Variants in ADAMTS20 observed in about 807,000 individuals in gnomAD.
ADAMTS20 encodes the protein A disintegrin and metalloproteinase with thrombospondin motifs 20.
A neutral mutation model predicts 260.1 loss-of-function variants in ADAMTS20; 225 were observed. That is an observed-to-expected ratio of 0.87 (90% CI 0.78 to 0.97). The LOEUF (loss-of-function observed/expected upper bound fraction) is 0.97, where lower values mean the gene tolerates loss of function less well. ADAMTS20 is among the 50% of genes least tolerant of loss of function. The probability of loss-of-function intolerance (pLI) is 0.00; values close to 1 mark genes in which losing one functional copy is unlikely to be tolerated. For missense variants in ADAMTS20, 2,400 were observed against 2,337.7 expected, an observed-to-expected ratio of 1.03 and a Z score of -0.55; for synonymous variants, 802 against 769.5, an observed-to-expected ratio of 1.04 and a Z score of -0.70.
chr12:43,471,949 G>A (rs1230100491), intron 7 of ADAMTS20, among the ~76,000 whole-genome samples: 6 of 149,940 alleles, frequency 4.0e-5, no homozygotes, highest in African/African-American at 7.4e-5. Flanking sequence ...CCAAAGGAAC[G>A]CAGTTCCTCA....
At chr12:43,471,300 C>A (rs1442750779) in intron 7 of ADAMTS20, among the ~76,000 whole-genome samples, 2 of 151,876 alleles carry the variant, frequency 1.3e-5, no homozygotes, top group Non-Finnish European at 2.9e-5. Context: ...CGGCGCACCA[C>A]GGGACTATAT....
At chr12:43,390,220 T>C (rs1940568453) in intron 29 of ADAMTS20, among the ~76,000 whole-genome samples, 1 of 152,242 alleles carries the variant, frequency 6.6e-6, no homozygotes, top group Admixed American at 6.5e-5. Context: ...ATCCTTCCAT[T>C]GTCTTAGACA....
chr12:43,437,081 C>A (rs1286195321), intron 18 of ADAMTS20, among the ~76,000 whole-genome samples: 1 of 151,884 alleles, frequency 6.6e-6, no homozygotes, highest in Non-Finnish European at 1.5e-5. Context: ...CTAACACACA[C>A]AAAAAAGGTA....
intron 3 of ADAMTS20, among the ~76,000 whole-genome samples, chr12:43,523,702 A>G (rs1943102258): frequency 1.3e-5 from 2 of 152,078 alleles, no homozygotes; most frequent in South Asian, 4.1e-4. Context: ...TCTGTGCAGT[A>G]GAGGAAGCTA....
At chr12:43,484,460 A>C (rs1463352868) in intron 7 of ADAMTS20, among the ~76,000 whole-genome samples, 9 of 152,168 alleles carry the variant, frequency 5.9e-5, no homozygotes, top group Non-Finnish European at 1.3e-4. Flanking sequence ...AAAATGTTCT[A>C]AAGAGATATT....
In ADAMTS20 at chr12:43,542,742, A is replaced by G. The variant is rs190774996; in HGVS notation, c.453+8167T>C. On this transcript the variant is annotated intron_variant, in intron 2 of 38. Coordinates refer to ENST00000389420, the MANE Select transcript of ADAMTS20 (RefSeq NM_025003.5). ...AGAAAACTAACTTGAAGCAATTATC[A>G]AAACTTGATCTGTTGTCAGAAGCCA... 1.9e-3 allele frequency among the ~76,000 whole-genome samples: 295 copies of G among 152,368 alleles called. 4 individuals carry two copies. The highest frequency in any genetic ancestry group is 0.01 in the Middle Eastern group (3 of 294).
At chr12:43,373,280 A>T (rs1387361955) in intron 36 of ADAMTS20, among the ~76,000 whole-genome samples, 1 of 152,236 alleles carries the variant, frequency 6.6e-6, no homozygotes, top group African/African-American at 2.4e-5. Flanking sequence ...CAGCTTTGTT[A>T]AAAAGCAGTC....
chr12:43,550,538 G>A (rs1260162380), intron 2 of ADAMTS20, among the ~76,000 whole-genome samples: 1 of 152,070 alleles, frequency 6.6e-6, no homozygotes, highest in Non-Finnish European at 1.5e-5. Flanking sequence ...AGTAAATCCG[G>A]GGGATTCTGC....
chr12:43,492,584 A>G lies in ADAMTS20; in HGVS notation c.997T>C (p.Phe333Leu). ...NFDGATTLKN[F>L]CSWQQTQNDL... The stretch of plus-strand genomic sequence containing the variant: ...TTCTGAGTTTGTTGCCATGAACAAA[A>G]GTTCTTTAATGTGGTAGCACCATCA... The change falls in exon 6 of 39, where the codon TTT (phenylalanine) becomes CTT (leucine). Residue 333 changes from phenylalanine (F) to leucine (L), a missense_variant. By Grantham distance (22) the Phe-to-Leu change is conservative. Transcript: ENST00000389420. 1 of 1,613,830 alleles carries G rather than the reference A, an allele frequency of 6.2e-7. No homozygotes were observed. Among genetic ancestry groups the G allele is most frequent in the Non-Finnish European group, 8.5e-7 (1 of 1,179,824 alleles).
intron 4 of ADAMTS20, among the ~76,000 whole-genome samples, chr12:43,493,948 A>T (rs1036695819): frequency 6.6e-6 from 1 of 152,154 alleles, no homozygotes; most frequent in East Asian, 1.9e-4. Flanking sequence ...GGCACTCTGA[A>T]TGGGCTCTGC....
intron 28 of ADAMTS20, among the ~76,000 whole-genome samples, chr12:43,412,577 A>G (rs1203882554): frequency 1.3e-5 from 2 of 152,086 alleles, no homozygotes; most frequent in Non-Finnish European, 2.9e-5. Flanking sequence ...TAAGATTGAC[A>G]CCTTGCCAAT....
At chr12:43,501,215 C>T (rs1216200125) in intron 4 of ADAMTS20, among the ~76,000 whole-genome samples, 12 of 151,806 alleles carry the variant, frequency 7.9e-5, no homozygotes, top group East Asian at 7.8e-4. Context: ...TTCACCACCA[C>T]GCCTGGCTAA....
rs796959365 is a variant in ADAMTS20 at position 43,512,660 on chromosome 12, T to C, written c.614-10255A>G. On this transcript the variant is annotated intron_variant, in intron 3 of 38. Coordinates refer to ENST00000389420, the MANE Select transcript of ADAMTS20 (RefSeq NM_025003.5). Reference sequence around the variant, plus strand: ...AATAAATTTGCAGAAGGTTATGAACTTGCCAGTGGCCAGCTGAAACTTGAA... The same window carrying C: ...AATAAATTTGCAGAAGGTTATGAACCTGCCAGTGGCCAGCTGAAACTTGAA... 2.0e-4 allele frequency among the ~76,000 whole-genome samples: 31 copies of C among 152,264 alleles called. 1 individual carries two copies. Among genetic ancestry groups the C allele is most frequent in the African/African-American group, 7.2e-4 (30 of 41,572 alleles).
chr12:43,403,813 T>C lies in ADAMTS20; in HGVS notation c.4285-4580A>G, dbSNP rs532708485. 7.9e-5 allele frequency among the ~76,000 whole-genome samples: 12 copies of C among 152,196 alleles called. 1 individual carries two copies. The East Asian group carries it at 2.1e-3, about 27-fold the overall frequency. ...CATAAAGCAAATGGAATAGTGAAGA[T>C]GAGACAGATAGAGAAGAGATGGAGA... On this transcript the variant is annotated intron_variant, in intron 28 of 38. Transcript: ENST00000389420.
intron 28 of ADAMTS20, among the ~76,000 whole-genome samples, chr12:43,402,093 TTCA>T (rs1940821469): frequency 6.6e-6 from 1 of 151,998 alleles, no homozygotes; most frequent in African/African-American, 2.4e-5. Flanking sequence ...TTTTTAGCAC[TTCA>T]TCATTTTCTG....
chr12:43,361,175 C>G (rs1939859374), intron 37 of ADAMTS20, among the ~76,000 whole-genome samples: 1 of 152,206 alleles, frequency 6.6e-6, no homozygotes, highest in Admixed American at 6.5e-5. Context: ...CCAGACTATC[C>G]TGTCACATGC....
In ADAMTS20 at chr12:43,432,805, A is replaced by ATGC. The variant is rs757116275; in HGVS notation, c.2724_2726dup (p.Trp908_His909insGln). On this transcript the variant is annotated inframe_insertion, in exon 20 of 39. Transcript: ENST00000389420. ...ATGAACATTCACTTTTGCCAATAAC[A>ATGC]TGCCACCTTGAAAAAAGATGTTACT... 1.2e-6 allele frequency: 2 copies of ATGC among 1,613,296 alleles called. No homozygotes were observed. The highest frequency in any genetic ancestry group is 2.2e-5 in the South Asian group (2 of 91,050).
intron 28 of ADAMTS20, 113 bp downstream of exon 28, chr12:43,425,401 A>G: frequency 2.1e-6 from 2 of 963,230 alleles, no homozygotes; most frequent in East Asian, 3.1e-5. Flanking sequence ...CATCTTGCAC[A>G]TGTACCCCTG....
intron 14 of ADAMTS20, among the ~76,000 whole-genome samples, 182 bp downstream of exon 14, chr12:43,452,090 CAG>C (rs1941874182): frequency 6.6e-6 from 1 of 152,024 alleles, no homozygotes; most frequent in Admixed American, 6.6e-5. Flanking sequence ...TTCTTGATGA[CAG>C]AGAATTCCCA....
Sources: allele counts gnomAD v4.1 joint callset (sites outside exome capture counted in the v4.1 genomes callset), GRCh38; gene constraint gnomAD v4.1.1; transcripts MANE v1.5; gene names NCBI Gene and HGNC (gene_info 2026-07-23, HGNC 2026-07-21).